BRSK2: variants seen among roughly 807,000 people sequenced by gnomAD.
BRSK2 encodes BR serine/threonine kinase 2.
In BRSK2, 19 loss-of-function variants were observed where a neutral mutation model predicts 83.3. The observed-to-expected ratio is 0.23, with a 90% CI of 0.16 to 0.33. BRSK2 has a LOEUF of 0.33. Ranked by LOEUF, BRSK2 falls within the 10% of genes least tolerant of loss-of-function variation. BRSK2 has a pLI of 1.00. For missense variants in BRSK2, 798 were observed against 1,042.3 expected (o/e 0.77, Z 3.23); for synonymous variants, 519 against 435.4 (o/e 1.19, Z -2.39).
In BRSK2 at chr11:1,450,473, A is replaced by C. The variant is rs549046962; in HGVS notation, c.1288-114A>C. On this transcript the variant is annotated intron_variant, in intron 13 of 19. Transcript: ENST00000528841. ...CAGCACCCCAGCCCGGCCTCCCGCCACTGGCCTTTGTCCCCAGCTGGCACC... is the reference window on the plus strand; with the variant it reads ...CAGCACCCCAGCCCGGCCTCCCGCCCCTGGCCTTTGTCCCCAGCTGGCACC... 1.3e-4 allele frequency: 75 copies of C among 597,506 alleles called. No homozygotes were observed. The African/African-American group carries it at 1.3e-3, about 10-fold the overall frequency. 37.0% of individuals were successfully genotyped at this position (597,506 alleles called of 1,614,324 possible).
chr11:1,447,789 C>T, intron 12 of BRSK2: 1 of 1,596,020 alleles, frequency 6.3e-7, no homozygotes, highest in Non-Finnish European at 8.5e-7. Flanking sequence ...TCGCTCTGTT[C>T]TGCTGTAGTA....
At chr11:1,411,689 G>T (rs954661028) in intron 1 of BRSK2, 2 of 1,532,168 alleles carry the variant, frequency 1.3e-6, no homozygotes, top group Admixed American at 3.9e-5. Context: ...GTGTGTTCAT[G>T]TGTGAGGGAT....
intron 8 of BRSK2, among the ~76,000 whole-genome samples, chr11:1,443,867 C>T (rs1054350616): frequency 2.3e-4 from 35 of 151,596 alleles, no homozygotes; most frequent in African/African-American, 8.2e-4. Flanking sequence ...AGTGTGTGTG[C>T]GCACCCAGGT....
chr11:1,454,455 T>A lies in BRSK2; in HGVS notation c.1545-30T>A. ...GGGTGTGGACGGTGCCACACCTCAATCCTCACAGCCTCTGTCTCCCACTGC... is the reference window on the plus strand; with the variant it reads ...GGGTGTGGACGGTGCCACACCTCAAACCTCACAGCCTCTGTCTCCCACTGC... On this transcript the variant is annotated intron_variant, in intron 15 of 19. Coordinates refer to ENST00000528841, the MANE Select transcript of BRSK2 (RefSeq NM_001256627.2). This position sits in a 1 kb window ranked among gnomAD's most constrained non-coding sequence, Gnocchi z 5.2. The A allele has an allele frequency of 6.2e-7, 1 of 1,611,786 alleles. No individual in the cohort carries two copies.
rs1849517261 is a variant in BRSK2 at position 1,428,559 on chromosome 11, AT to A, written c.92-7478del. Among the ~76,000 whole-genome samples the A allele has an allele frequency of 2.0e-5, 3 of 152,068 alleles. No individual in the cohort carries two copies. In the South Asian group the frequency reaches 6.2e-4, roughly 32 times the overall value. On this transcript the variant is annotated intron_variant, in intron 1 of 19. Transcript: ENST00000528841. ...AGTGCTCCGAGACTTGGCTGTCCTG[AT>A]TTGTGCTGGGCCCAGCAGTGTCCTT...
rs1229444204 is a variant in BRSK2 at position 1,454,625 on chromosome 11, C to T, written c.1668+17C>T. ...TTCCTGTCGGTGAGGCCACAGGGCG[C>T]TGGGGGAGGCGGGCAGCCCTCCCAA... is the stretch of plus-strand genomic sequence containing the variant. On this transcript the variant is annotated intron_variant, in intron 16 of 19. Coordinates refer to ENST00000528841, the MANE Select transcript of BRSK2 (RefSeq NM_001256627.2). The surrounding 1 kb of genome is among the most constrained non-coding windows in gnomAD (Gnocchi z 5.2). The T allele has an allele frequency of 1.2e-6, 2 of 1,611,826 alleles. No individual in the cohort carries two copies. The highest frequency in any genetic ancestry group is 1.7e-5 in the Admixed American group (1 of 59,982).
At chr11:1,453,936 G>A (rs116076943) in intron 15 of BRSK2, 6,345 of 153,198 alleles carry the variant, frequency 0.041, 405 homozygotes, top group East Asian at 0.26. Flanking sequence ...TGGCCCCCGC[G>A]CTGGTGGGTG....
chr11:1,457,664 A>G (rs1246078974), intron 18 of BRSK2, among the ~76,000 whole-genome samples: 1 of 152,096 alleles, frequency 6.6e-6, no homozygotes, highest in African/African-American at 2.4e-5. Context: ...CCCCTCTCCC[A>G]GCCTGCATCT....
intron 13 of BRSK2, 26 bp downstream of exon 13, chr11:1,449,862 G>T: frequency 6.6e-7 from 1 of 1,522,484 alleles, no homozygotes; most frequent in Non-Finnish European, 9.0e-7. Flanking sequence ...CCCCCACCCA[G>T]CTCGGATGCA....
chr11:1,460,463 T>TTTTTTTTTTTTTTC, intron 19 of BRSK2, 37 bp from the exon 20 acceptor site: 2 of 63,770 alleles, frequency 3.1e-5, no homozygotes, highest in South Asian at 2.5e-4. Flanking sequence ...CTTTTTTCCT[T>TTTTTTTTTTTTTTC]TTTTTTTTTT....
At position 1,438,006 on chromosome 11, in the gene BRSK2, C is replaced by A. The variant is rs865887601; in HGVS notation, c.187-300C>A. Among the ~76,000 whole-genome samples the A allele has an allele frequency of 3.3e-5, 5 of 152,176 alleles. No individual in the cohort carries two copies. Among genetic ancestry groups the A allele is most frequent in the African/African-American group, 1.2e-4 (5 of 41,444 alleles). ...CCCTCTCCACCAGCCAGGGCCCCAGCTGAGCAGCCCACGTCCCTGCATCCC... is the reference window on the plus strand; with the variant it reads ...CCCTCTCCACCAGCCAGGGCCCCAGATGAGCAGCCCACGTCCCTGCATCCC... On this transcript the variant is annotated intron_variant, in intron 2 of 19. Transcript: ENST00000528841. This position sits in a 1 kb window ranked among gnomAD's most constrained non-coding sequence, Gnocchi z 6.4.
intron 3 of BRSK2, among the ~76,000 whole-genome samples, chr11:1,439,126 C>T (rs537228065): frequency 5.3e-5 from 8 of 152,302 alleles, no homozygotes; most frequent in South Asian, 2.1e-4. Context: ...TGATCCTAGC[C>T]GGGCATCTCT....
intron 1 of BRSK2, among the ~76,000 whole-genome samples, chr11:1,416,706 G>C (rs1848130235): frequency 6.6e-6 from 1 of 152,180 alleles, no homozygotes; most frequent in African/African-American, 2.4e-5. Context: ...GGCTGCTTTT[G>C]AGGTTTTCTT....
chr11:1,448,031 C>G (rs1590630033), intron 12 of BRSK2, among the ~76,000 whole-genome samples: 2 of 152,284 alleles, frequency 1.3e-5, no homozygotes, highest in East Asian at 3.9e-4. Flanking sequence ...CAGGCAGAGG[C>G]CGAGGAGGGG....
intron 8 of BRSK2, among the ~76,000 whole-genome samples, chr11:1,443,906 G>A (rs950631809): frequency 5.3e-5 from 8 of 152,276 alleles, no homozygotes; most frequent in African/African-American, 1.7e-4. Context: ...GTGTGGGCTC[G>A]TGTTCAGGTG....
Position 1,438,150 on chromosome 11 carries a change from C to T in BRSK2, c.187-156C>T, listed in dbSNP as rs1850594392. Among the ~76,000 whole-genome samples, 3 of 146,506 alleles carry T rather than the reference C, an allele frequency of 2.0e-5. No homozygotes were observed. The highest frequency in any genetic ancestry group is 5.1e-5 in the African/African-American group (2 of 39,456). ...CCACAGCTGGCACCAAAGGCCCCTG[C>T]GTCCCCCACAGCTGGCACCAAAGGC... On this transcript the variant is annotated intron_variant, in intron 2 of 19. Coordinates refer to ENST00000528841, the MANE Select transcript of BRSK2 (RefSeq NM_001256627.2). The surrounding 1 kb of genome is among the most constrained non-coding windows in gnomAD (Gnocchi z 6.4).
chr11:1,451,406 G>C lies in BRSK2; in HGVS notation c.1531G>C (p.Glu511Gln). The stretch of plus-strand genomic sequence containing the variant: ...GGAGGAGATGTCCAACCTGACACCA[G>C]AGTCGTCCCCAGAGTAAGTGGCCCC... ...TPEEMSNLTP[E>Q]SSPELAKKSW... Residue 511 changes from glutamate (E) to glutamine (Q), a missense_variant, in exon 15 of 20, where the codon GAG becomes CAG. Physicochemically the swap from Glu to Gln is conservative, Grantham distance 29. This residue lies in a region of BRSK2 where 455 missense variants were observed against 455.2 expected (regional missense o/e 1.00). Transcript: ENST00000528841. 1.9e-6 allele frequency: 3 copies of C among 1,612,962 alleles called. No individual in the cohort carries two copies. Among genetic ancestry groups the C allele is most frequent in the Non-Finnish European group, 1.7e-6 (2 of 1,179,916 alleles).
At chr11:1,421,037 GA>G (rs1848588619) in intron 1 of BRSK2, among the ~76,000 whole-genome samples, 1 of 152,204 alleles carries the variant, frequency 6.6e-6, no homozygotes, top group Non-Finnish European at 1.5e-5. Context: ...GGGGCTTTGG[GA>G]TGCTCAGAGT....
intron 1 of BRSK2, among the ~76,000 whole-genome samples, chr11:1,401,467 G>A (rs1344302356): frequency 2.0e-5 from 3 of 152,176 alleles, no homozygotes; most frequent in Non-Finnish European, 4.4e-5. Context: ...GGTCGCTCAG[G>A]AGCCCCTGGG....
Sources: allele counts gnomAD v4.1 joint callset (sites outside exome capture counted in the v4.1 genomes callset), GRCh38; gene constraint gnomAD v4.1.1; regional missense constraint gnomAD v4.1.1; non-coding constraint Gnocchi (gnomAD v3.1); transcripts MANE v1.5; gene names NCBI Gene and HGNC (gene_info 2026-07-23, HGNC 2026-07-21).